NEO1: variants seen among roughly 807,000 people sequenced by gnomAD.
The protein encoded by NEO1 is neogenin 1, also known as neogenin.
NEO1 carries 63 observed loss-of-function variants against 159.7 expected under a neutral mutation model. The ratio of observed to expected loss-of-function variants is 0.39; its 90% CI spans 0.32 to 0.49. The LOEUF (loss-of-function observed/expected upper bound fraction) is 0.49, where lower values mean the gene tolerates loss of function less well. Ranked by LOEUF, NEO1 falls within the 20% of genes least tolerant of loss-of-function variation. NEO1 has a pLI of 0.85. For missense variants in NEO1, 1,615 were observed against 1,831.0 expected (o/e 0.88, Z 2.15); for synonymous variants, 633 against 662.0 (o/e 0.96, Z 0.67).
chr15:73,183,879 C>G (rs919596603), intron 7 of NEO1, among the ~76,000 whole-genome samples: 12 of 152,188 alleles, frequency 7.9e-5, no homozygotes, highest in African/African-American at 2.9e-4. Context: ...ATTCCAAGCT[C>G]AATTCCTGAC....
intron 16 of NEO1, among the ~76,000 whole-genome samples, 189 bp downstream of exon 16, chr15:73,266,600 AAG>A (rs1436949120): frequency 6.6e-6 from 1 of 151,464 alleles, no homozygotes; most frequent in Non-Finnish European, 1.5e-5. Flanking sequence ...TTTTTTTTGG[AAG>A]ATTCTAATTC....
intron 27 of NEO1, among the ~76,000 whole-genome samples, chr15:73,300,901 T>C (rs2151189731): frequency 6.6e-6 from 1 of 152,338 alleles, no homozygotes; most frequent in East Asian, 1.9e-4. Context: ...TGCGTGTCAG[T>C]GAATGGCTTT....
In NEO1 at chr15:73,178,229, A is replaced by G. The variant is rs2035394540; in HGVS notation, c.1171-78A>G. On this transcript the variant is annotated intron_variant, in intron 6 of 28. Transcript: ENST00000261908. Reference sequence around the variant, plus strand: ...AACTTTACTTGTTTTTTTCCTCTCCAAAAAGCATATTTTTGAGATTTTGAT... The same window carrying G: ...AACTTTACTTGTTTTTTTCCTCTCCGAAAAGCATATTTTTGAGATTTTGAT... The G allele has an allele frequency of 2.2e-6, 3 of 1,386,972 alleles. No homozygotes were observed. In the African/African-American group the frequency reaches 4.4e-5, roughly 20 times the overall value. The allele number at this position is 1,386,972 out of a possible 1,614,324, so 85.9% of individuals were successfully genotyped here. A position where few individuals can be genotyped will look rare whatever the true frequency, so the allele number is the denominator to read the frequency against.
intron 4 of NEO1, among the ~76,000 whole-genome samples, chr15:73,127,034 A>G (rs1256109518): frequency 6.6e-6 from 1 of 152,150 alleles, no homozygotes; most frequent in Non-Finnish European, 1.5e-5. Flanking sequence ...GATCGAGACC[A>G]TCCTGGCTAA....
At chr15:73,127,230 C>CAAAAA (rs762924676) in intron 4 of NEO1, among the ~76,000 whole-genome samples, 16,827 of 124,536 alleles carry the variant, frequency 0.14, 1,544 homozygotes, top group African/African-American at 0.28. Flanking sequence ...GACGCCGTCT[C>CAAAAA]AAAAAAAAAA....
At chr15:73,059,197 G>T (rs966548862) in intron 1 of NEO1, among the ~76,000 whole-genome samples, 1 of 152,146 alleles carries the variant, frequency 6.6e-6, no homozygotes, top group Non-Finnish European at 1.5e-5. Flanking sequence ...GCTGGCTTAT[G>T]TAAACAGGTT....
At chr15:73,071,762 C>T (rs758053086) in intron 1 of NEO1, among the ~76,000 whole-genome samples, 1 of 152,138 alleles carries the variant, frequency 6.6e-6, no homozygotes, top group Non-Finnish European at 1.5e-5. Context: ...ATGATCGGCC[C>T]ACCGTGGCTT....
At chr15:73,139,714 A>G (rs1168110803) in intron 5 of NEO1, among the ~76,000 whole-genome samples, 1 of 152,214 alleles carries the variant, frequency 6.6e-6, no homozygotes, top group Admixed American at 6.5e-5. Context: ...GAAGAATAAT[A>G]TTTTGTGATA....
In NEO1 at chr15:73,223,021, A is replaced by T. The variant is rs142013096; in HGVS notation, c.1292-13326A>T. ...GAAGAATTTTAAAATTTCCATCTTGATTTCGCTTTTGAACCAAAGCAGGTT... is the reference window on the plus strand; with the variant it reads ...GAAGAATTTTAAAATTTCCATCTTGTTTTCGCTTTTGAACCAAAGCAGGTT... On this transcript the variant is annotated intron_variant, in intron 7 of 28. Transcript: ENST00000261908. 2.6e-4 allele frequency among the ~76,000 whole-genome samples: 39 copies of T among 152,202 alleles called. No individual in the cohort carries two copies. The East Asian group carries it at 7.5e-3, about 29-fold the overall frequency.
In NEO1 at chr15:73,270,094, T is replaced by C; in HGVS notation, c.2579T>C (p.Val860Ala). The change falls in exon 17 of 29, where the codon GTT becomes GCT. Residue 860 changes from valine to alanine, a missense_variant. Transcript: ENST00000261908. ...ACTCCCATGATGCCACCAGTGGGAGTTCAGGCTTCCATTCTGAGTCATGAC... is the reference window on the plus strand; with the variant it reads ...ACTCCCATGATGCCACCAGTGGGAGCTCAGGCTTCCATTCTGAGTCATGAC... ...DPTPMMPPVG[V>A]QASILSHDTI... 6.2e-7 allele frequency: 1 copy of C among 1,614,024 alleles called. No individual in the cohort carries two copies.
intron 7 of NEO1, among the ~76,000 whole-genome samples, chr15:73,217,868 G>A (rs2037991008): frequency 6.6e-6 from 1 of 152,192 alleles, no homozygotes. Context: ...CATGTCATCT[G>A]CAAACAGGGA....
intron 7 of NEO1, among the ~76,000 whole-genome samples, chr15:73,188,836 C>A (rs2036079505): frequency 6.6e-6 from 1 of 152,056 alleles, no homozygotes; most frequent in African/African-American, 2.4e-5. Context: ...AGTGGCTCAC[C>A]CCTGTAATCC....
At chr15:73,207,543 A>G in intron 7 of NEO1, among the ~76,000 whole-genome samples, 1 of 152,216 alleles carries the variant, frequency 6.6e-6, no homozygotes, top group Non-Finnish European at 1.5e-5. Flanking sequence ...ATATTCCAGC[A>G]GAAAGAAAAC....
At chr15:73,123,561 CTA>C in intron 3 of NEO1, among the ~76,000 whole-genome samples, 1 of 152,264 alleles carries the variant, frequency 6.6e-6, no homozygotes, top group South Asian at 2.1e-4. Context: ...AATTCAGCTC[CTA>C]TTTCAGTCTT....
At chr15:73,127,623 A>G (rs767071870) in intron 4 of NEO1, among the ~76,000 whole-genome samples, 20 of 152,210 alleles carry the variant, frequency 1.3e-4, no homozygotes, top group Non-Finnish European at 2.6e-4. Context: ...GTGCTGTTCA[A>G]TTGAAATATA....
chr15:73,123,323 T>C (rs1341164000), intron 3 of NEO1, among the ~76,000 whole-genome samples: 2 of 152,222 alleles, frequency 1.3e-5, no homozygotes, highest in Non-Finnish European at 2.9e-5. Context: ...ATTCACTGTC[T>C]AATGGTATTC....
intron 15 of NEO1, among the ~76,000 whole-genome samples, chr15:73,263,951 T>C (rs2040764107): frequency 6.6e-6 from 1 of 152,154 alleles, no homozygotes; most frequent in African/African-American, 2.4e-5. Flanking sequence ...TTTGGGAGGC[T>C]AAGGCAGGAG....
chr15:73,179,984 T>G (rs984800598), intron 7 of NEO1, among the ~76,000 whole-genome samples: 1 of 152,156 alleles, frequency 6.6e-6, no homozygotes, highest in African/African-American at 2.4e-5. Flanking sequence ...GATTATTTTC[T>G]TATACTAAAT....
Position 73,178,380 on chromosome 15 carries a change from A to G in NEO1, c.1244A>G (p.Asp415Gly). Reference protein sequence around the residue: ...EGFYQCIAENDVGNAQAGAQL... With the variant: ...EGFYQCIAENGVGNAQAGAQL... Reference sequence around the variant, plus strand: ...TTCTATCAGTGCATTGCTGAAAATGATGTTGGAAATGCACAAGCTGGAGCC... The same window carrying G: ...TTCTATCAGTGCATTGCTGAAAATGGTGTTGGAAATGCACAAGCTGGAGCC... The change falls in exon 7 of 29, where the codon GAT becomes GGT. Residue 415 changes from aspartate to glycine, a missense_variant. By Grantham distance (94) the Asp-to-Gly change is moderately conservative. This residue lies in a region of NEO1 where 1,018 missense variants were observed against 1,115.4 expected (regional missense o/e 0.91). Coordinates refer to ENST00000261908, the MANE Select transcript of NEO1 (RefSeq NM_002499.4). 6.2e-7 allele frequency: 1 copy of G among 1,613,848 alleles called. No homozygotes were observed.
Sources: allele counts gnomAD v4.1 joint callset (sites outside exome capture counted in the v4.1 genomes callset), GRCh38; gene constraint gnomAD v4.1.1; regional missense constraint gnomAD v4.1.1; transcripts MANE v1.5; gene names NCBI Gene and HGNC (gene_info 2026-07-23, HGNC 2026-07-21).